The following TNN variants were observed in gnomAD, a reference collection of about 807,000 sequenced individuals.
TNN encodes the protein tenascin N, also known as tenascin-N.
In TNN, 122 loss-of-function variants were observed where a neutral mutation model predicts 134.4. The observed-to-expected ratio is 0.91, with a 90% CI of 0.78 to 1.06. The LOEUF is 1.06. Ranked by LOEUF, TNN falls within the 50% of genes least tolerant of loss-of-function variation. TNN has a pLI of 0.00. For synonymous variants in TNN, 710 were observed against 670.3 expected (o/e 1.06, Z -0.91); for missense variants, 1,739 against 1,699.4 (o/e 1.02, Z -0.41).
intron 6 of TNN, among the ~76,000 whole-genome samples, chr1:175,087,484 T>C (rs1373027372): frequency 1.3e-5 from 2 of 152,246 alleles, no homozygotes; most frequent in East Asian, 3.8e-4. Flanking sequence ...TTTTTCCTTT[T>C]GGCAGAGTGA....
chr1:175,103,007 G>T (rs1674766542), intron 9 of TNN, among the ~76,000 whole-genome samples: 1 of 146,684 alleles, frequency 6.8e-6, no homozygotes. Flanking sequence ...GCCAGGGGAA[G>T]TGCCAGTGGG....
intron 15 of TNN, among the ~76,000 whole-genome samples, chr1:175,130,379 A>T (rs1011018496): frequency 6.6e-6 from 1 of 152,186 alleles, no homozygotes; most frequent in African/African-American, 2.4e-5. Context: ...TGGCTGGGGG[A>T]AATTCCCGAT....
intron 9 of TNN, among the ~76,000 whole-genome samples, chr1:175,100,697 C>T (rs1170945372): frequency 1.2e-5 from 1 of 82,228 alleles, no homozygotes; most frequent in Non-Finnish European, 2.3e-5. Context: ...CAAAGAAATG[C>T]TAGTTTTTTT....
rs1676090576 is a variant in TNN, at chr1:175,147,130, G to T, written c.*59G>T. Reference sequence around the variant, plus strand: ...ACCAGCTGTGGCAGCTTGGGGCGGGGTGGGTAGTGGTCACTGCGGTCTGGG... The same window carrying T: ...ACCAGCTGTGGCAGCTTGGGGCGGGTTGGGTAGTGGTCACTGCGGTCTGGG... On this transcript the variant is annotated 3_prime_UTR_variant, in exon 19 of 19. Coordinates refer to ENST00000239462, the MANE Select transcript of TNN (RefSeq NM_022093.2). The T allele has an allele frequency of 2.1e-6, 3 of 1,429,966 alleles. No individual in the cohort carries two copies. The highest frequency in any genetic ancestry group is 2.8e-6 in the Non-Finnish European group (3 of 1,077,860). The allele number at this position is 1,429,966 out of a possible 1,614,324, so 88.6% of individuals were successfully genotyped here.
rs3028580 is a variant in TNN at position 175,145,552 on chromosome 1, C to CAAAAAAAA, written c.3759+1018_3759+1025dup. Among the ~76,000 whole-genome samples the CAAAAAAAA allele has an allele frequency of 4.2e-3, 121 of 28,884 alleles. 17 individuals are homozygous for CAAAAAAAA. Among genetic ancestry groups the CAAAAAAAA allele is most frequent in the Middle Eastern group, 0.029 (1 of 34 alleles). 18.9% of individuals were successfully genotyped at this position (28,884 alleles called of 152,430 possible). Reference sequence around the variant, plus strand: ...TGGGTGGCAGAGCAAGACCCTGTCTCAAAAAAAAAAAAAAAAAAAAAAAGC... The same window carrying CAAAAAAAA: ...TGGGTGGCAGAGCAAGACCCTGTCTCAAAAAAAAAAAAAAAAAAAAAAAAAAAAAAAGC... On this transcript the variant is annotated intron_variant, in intron 18 of 18. Coordinates refer to ENST00000239462, the MANE Select transcript of TNN (RefSeq NM_022093.2).
At chr1:175,109,335 G>A (rs1034893804) in intron 9 of TNN, among the ~76,000 whole-genome samples, 12 of 150,798 alleles carry the variant, frequency 8.0e-5, no homozygotes, top group Non-Finnish European at 1.6e-4. Context: ...TGATGCACCC[G>A]CCTCGGCCTC....
At chr1:175,081,165 G>A (rs946174801) in intron 4 of TNN, among the ~76,000 whole-genome samples, 1 of 152,196 alleles carries the variant, frequency 6.6e-6, no homozygotes, top group African/African-American at 2.4e-5. Context: ...TCACAGCCTG[G>A]GGTACAGAAC....
chr1:175,147,084 G>A lies in TNN; in HGVS notation c.*13G>A. 1 of 1,552,782 alleles carries A rather than the reference G, an allele frequency of 6.4e-7. No individual in the cohort carries two copies. Among genetic ancestry groups the A allele is most frequent in the Non-Finnish European group, 8.7e-7 (1 of 1,145,478 alleles). On this transcript the variant is annotated 3_prime_UTR_variant, in exon 19 of 19. Transcript: ENST00000239462. ...GCGAACGTTCTGATGGCCCGTGTGA[G>A]CAGTCCTCGCAGGAGACACCACCAG...
intron 18 of TNN, among the ~76,000 whole-genome samples, chr1:175,145,267 T>C (rs1198494033): frequency 2.0e-5 from 3 of 152,048 alleles, no homozygotes; most frequent in Non-Finnish European, 4.4e-5. Flanking sequence ...GAGCTATTTC[T>C]TTAGGCTGAG....
intron 16 of TNN, 63 bp from the exon 17 acceptor site, chr1:175,136,758 T>G (rs1675821679): frequency 7.3e-6 from 11 of 1,509,548 alleles, no homozygotes; most frequent in South Asian, 3.7e-5. Flanking sequence ...CAGACACACA[T>G]GTTGAGTGCT....
intron 9 of TNN, among the ~76,000 whole-genome samples, chr1:175,100,309 G>A (rs1036620101): frequency 2.0e-5 from 3 of 152,208 alleles, no homozygotes. Flanking sequence ...ACAACCAAAA[G>A]TGTCTCCAGA....
At chr1:175,098,201 G>A (rs557576143) in intron 8 of TNN, 131 bp from the exon 9 acceptor site, 87 of 1,311,948 alleles carry the variant, frequency 6.6e-5, no homozygotes, top group East Asian at 3.2e-4. Context: ...GACTCCCAGC[G>A]GAGACTCAGG....
At chr1:175,125,728 T>A (rs1675501309) in intron 12 of TNN, among the ~76,000 whole-genome samples, 1 of 130,478 alleles carries the variant, frequency 7.7e-6, no homozygotes, top group African/African-American at 3.4e-5. Flanking sequence ...TTTCTTTCTT[T>A]CTTTCTTTCT....
At chr1:175,079,215 A>G in intron 2 of TNN, 118 bp from the exon 3 acceptor site, 1 of 1,284,542 alleles carries the variant, frequency 7.8e-7, no homozygotes, top group Non-Finnish European at 1.0e-6. Context: ...CCCAGAAATC[A>G]CCAGACCCTT....
intron 7 of TNN, among the ~76,000 whole-genome samples, chr1:175,096,641 G>A (rs1199716670): frequency 6.6e-6 from 1 of 152,176 alleles, no homozygotes; most frequent in Non-Finnish European, 1.5e-5. Context: ...TGTACATTTT[G>A]AGGAGAAAGT....
chr1:175,070,601 T>C (rs190489337), intron 1 of TNN, among the ~76,000 whole-genome samples: 1 of 152,358 alleles, frequency 6.6e-6, no homozygotes, highest in East Asian at 1.9e-4. Context: ...ATTTCCATTC[T>C]CTTCCATACT....
rs775237117 is a variant in TNN at position 175,083,572 on chromosome 1, G to A, written c.1049-178G>A. Among the ~76,000 whole-genome samples the A allele has an allele frequency of 4.6e-5, 7 of 152,330 alleles. 2 individuals are homozygous for A. Among genetic ancestry groups the A allele is most frequent in the Admixed American group, 4.6e-4 (7 of 15,308 alleles). On this transcript the variant is annotated intron_variant, in intron 4 of 18. Coordinates refer to ENST00000239462, the MANE Select transcript of TNN (RefSeq NM_022093.2). ...CTGCCCATGGAATATGTGAAAACCA[G>A]CAGCTTAGTTGCTACTTTGGTAGCT...
chr1:175,070,607 A>G (rs964093211), intron 1 of TNN, among the ~76,000 whole-genome samples: 1 of 152,200 alleles, frequency 6.6e-6, no homozygotes, highest in African/African-American at 2.4e-5. Context: ...ATTCTCTTCC[A>G]TACTTAGCTG....
chr1:175,090,275 G>A (rs1364298379), intron 6 of TNN, among the ~76,000 whole-genome samples: 1 of 152,174 alleles, frequency 6.6e-6, no homozygotes, highest in East Asian at 1.9e-4. Flanking sequence ...AGGAAGAAGG[G>A]CTGACCTCTC....
Sources: allele counts gnomAD v4.1 joint callset (sites outside exome capture counted in the v4.1 genomes callset), GRCh38; gene constraint gnomAD v4.1.1; transcripts MANE v1.5; gene names NCBI Gene and HGNC (gene_info 2026-07-23, HGNC 2026-07-21).